Variants in DMXL1 observed in about 807,000 individuals in gnomAD.
DMXL1 encodes the protein dmX-like protein 1.
A neutral mutation model predicts 319.2 loss-of-function variants in DMXL1; 99 were observed. That is an observed-to-expected ratio of 0.31 (90% CI 0.26 to 0.37). The LOEUF is 0.37. Among genes scored for constraint, DMXL1 ranks in the 10% least tolerant of loss-of-function variants. DMXL1 has a pLI of 1.00. For synonymous variants in DMXL1, 1,385 were observed against 1,235.2 expected (o/e 1.12, Z -2.54); for missense variants, 3,745 against 3,595.6 (o/e 1.04, Z -1.06).
chr5:119,221,201 A>C (rs1784587332), intron 37 of DMXL1, 120 bp downstream of exon 37: 1 of 649,200 alleles, frequency 1.5e-6, no homozygotes, highest in South Asian at 3.9e-5. Flanking sequence ...TAAGTCTTAC[A>C]TGTTGGAAAT....
intron 23 of DMXL1, 21 bp downstream of exon 23, chr5:119,167,885 G>A (rs1561778600): frequency 2.5e-6 from 4 of 1,600,948 alleles, no homozygotes; most frequent in Non-Finnish European, 3.4e-6. Context: ...CTTCTAAGAT[G>A]TTAATGATTA....
At chr5:119,205,040 C>T (rs1026464696) in intron 33 of DMXL1, among the ~76,000 whole-genome samples, 4 of 152,198 alleles carry the variant, frequency 2.6e-5, no homozygotes, top group Middle Eastern at 3.4e-3. Context: ...TCGACCAAGT[C>T]AGGAAATAGT....
intron 5 of DMXL1, among the ~76,000 whole-genome samples, chr5:119,112,363 C>G (rs1759825231): frequency 6.6e-6 from 1 of 152,114 alleles, no homozygotes; most frequent in African/African-American, 2.4e-5. Context: ...CTTCATTCAA[C>G]AAATATTTGT....
chr5:119,237,275 G>A, intron 39 of DMXL1, 47 bp from the exon 40 acceptor site: 1 of 1,143,660 alleles, frequency 8.7e-7, no homozygotes, highest in Middle Eastern at 2.9e-4. Context: ...ATAAATATAT[G>A]CTTTTATATT....
chr5:119,086,025 G>A (rs1227231450), intron 1 of DMXL1, among the ~76,000 whole-genome samples: 1 of 152,120 alleles, frequency 6.6e-6, no homozygotes, highest in Admixed American at 6.5e-5. Flanking sequence ...TCATGCTGCT[G>A]ATAAAGACAT....
At chr5:119,137,475 G>C (rs902339849) in intron 13 of DMXL1, among the ~76,000 whole-genome samples, 6 of 152,280 alleles carry the variant, frequency 3.9e-5, no homozygotes, top group African/African-American at 1.4e-4. Flanking sequence ...GTGAAAAGGG[G>C]ATTTGGGAGG....
At chr5:119,090,057 G>A (rs1184678259) in intron 1 of DMXL1, among the ~76,000 whole-genome samples, 1 of 89,176 alleles carries the variant, frequency 1.1e-5, no homozygotes, top group Non-Finnish European at 2.0e-5. Flanking sequence ...TTTCGCTCTT[G>A]TCGCCCATGC....
chr5:119,108,867 T>A (rs1412560350), intron 4 of DMXL1, among the ~76,000 whole-genome samples: 1 of 152,090 alleles, frequency 6.6e-6, no homozygotes, highest in East Asian at 1.9e-4. Context: ...AATGGTGTGA[T>A]CTCAACTCAC....
chr5:119,161,024 T>A (rs1772153083), intron 19 of DMXL1, among the ~76,000 whole-genome samples: 1 of 152,246 alleles, frequency 6.6e-6, no homozygotes, highest in South Asian at 2.1e-4. Flanking sequence ...CGAGATATAA[T>A]GATTCCCTGA....
At chr5:119,135,140 C>A (rs1299953686) in intron 13 of DMXL1, among the ~76,000 whole-genome samples, 2 of 151,962 alleles carry the variant, frequency 1.3e-5, no homozygotes. Flanking sequence ...TTTTCCAAAG[C>A]ATGTATATAG....
intron 42 of DMXL1, among the ~76,000 whole-genome samples, chr5:119,241,062 A>T (rs1280505708): frequency 6.6e-6 from 1 of 152,160 alleles, no homozygotes; most frequent in African/African-American, 2.4e-5. Flanking sequence ...TTAACTACTA[A>T]TAGCCTAGTG....
At chr5:119,130,897 C>T (rs1039539192) in intron 10 of DMXL1, among the ~76,000 whole-genome samples, 2 of 152,038 alleles carry the variant, frequency 1.3e-5, no homozygotes, top group African/African-American at 4.8e-5. Flanking sequence ...TCAATAACTT[C>T]TGACAAATTG....
At chr5:119,145,755 C>G (rs1208796171) in intron 15 of DMXL1, among the ~76,000 whole-genome samples, 1 of 151,466 alleles carries the variant, frequency 6.6e-6, no homozygotes. Flanking sequence ...TTAAAATATT[C>G]AGGAAATTTT....
In DMXL1 at chr5:119,134,059, C is replaced by T; in HGVS notation, c.2135C>T (p.Pro712Leu). The T allele has an allele frequency of 6.2e-7, 1 of 1,614,164 alleles. No homozygotes were observed. Among genetic ancestry groups the T allele is most frequent in the Non-Finnish European group, 8.5e-7 (1 of 1,180,032 alleles). ...YSELILWRVD[P>L]VGPLSFSGGV... ...GAGCTTATTCTGTGGAGGGTTGACC[C>T]AGTTGGGCCATTGTCTTTTTCTGGA... is the stretch of plus-strand genomic sequence containing the variant. Residue 712 changes from proline (P) to leucine (L), a missense_variant, in exon 12 of 44, where the codon CCA becomes CTA. Physicochemically the swap from Pro to Leu is moderately conservative, Grantham distance 98. Coordinates refer to ENST00000539542, the MANE Select transcript of DMXL1 (RefSeq NM_001290321.3).
intron 33 of DMXL1, among the ~76,000 whole-genome samples, chr5:119,203,910 C>T (rs1781277851): frequency 6.6e-6 from 1 of 152,142 alleles, no homozygotes; most frequent in East Asian, 1.9e-4. Context: ...AAGCTCCGCA[C>T]CTCCCAGGTT....
At chr5:119,081,883 A>T (rs140633162) in intron 1 of DMXL1, among the ~76,000 whole-genome samples, 1 of 152,014 alleles carries the variant, frequency 6.6e-6, no homozygotes, top group African/African-American at 2.4e-5. Context: ...ATCTAAAAAT[A>T]TGAGAAAGAA....
At chr5:119,195,261 T>C (rs562569419) in intron 30 of DMXL1, among the ~76,000 whole-genome samples, 1 of 152,138 alleles carries the variant, frequency 6.6e-6, no homozygotes, top group African/African-American at 2.4e-5. Context: ...CCTGAAAATA[T>C]TGAAAACAGG....
Position 119,116,273 on chromosome 5 carries a change from A to G in DMXL1, c.680A>G (p.Tyr227Cys). 2 of 1,614,044 alleles carry G rather than the reference A, an allele frequency of 1.2e-6. No individual in the cohort carries two copies. Among genetic ancestry groups the G allele is most frequent in the East Asian group, 2.2e-5 (1 of 44,870 alleles). ...GGAGAAATTGACTTTTCTTTTGTGT[A>G]TCTGGCCCATCCTCGAGCAGTAAAT... ...SQGEIDFSFV[Y>C]LAHPRAVNGF... Residue 227 changes from tyrosine to cysteine, a missense_variant, in exon 7 of 44, where the codon TAT (tyrosine) becomes TGT (cysteine). Tyr to Cys is a radical substitution (Grantham distance 194, BLOSUM62 -2). Coordinates refer to ENST00000539542, the MANE Select transcript of DMXL1 (RefSeq NM_001290321.3).
intron 19 of DMXL1, among the ~76,000 whole-genome samples, chr5:119,157,282 A>G (rs976332452): frequency 1.1e-4 from 16 of 151,846 alleles, no homozygotes; most frequent in Non-Finnish European, 2.2e-4. Context: ...TTTTCTCTTC[A>G]CTCTGCTAAT....
Sources: gnomAD v4.1 joint callset for allele counts (sites outside exome capture counted in the v4.1 genomes callset) on GRCh38, gnomAD v4.1.1 for gene constraint, MANE v1.5 for transcripts, NCBI Gene and HGNC (gene_info 2026-07-23, HGNC 2026-07-21) for gene names.